The following DAB2IP variants were observed in gnomAD, a reference collection of about 807,000 sequenced individuals.
DAB2IP encodes disabled homolog 2-interacting protein.
DAB2IP carries 28 observed loss-of-function variants against 107.2 expected under a neutral mutation model. The ratio of observed to expected loss-of-function variants is 0.26; its 90% CI spans 0.19 to 0.36. The LOEUF is 0.36. DAB2IP is among the 10% of genes least tolerant of loss of function. The pLI is 1.00. For missense variants in DAB2IP, 1,400 were observed against 1,644.7 expected, an observed-to-expected ratio of 0.85 and a Z score of 2.57; for synonymous variants, 755 against 706.4, an observed-to-expected ratio of 1.07 and a Z score of -1.09.
chr9:121,577,926 T>C lies in DAB2IP; in HGVS notation c.40+10698T>C, dbSNP rs139418564. On this transcript the variant is annotated intron_variant, in intron 1 of 16. Coordinates refer to the DAB2IP transcript ENST00000259371. ...GTCACTCAGGGGTCCTTGGGGGCTGTCCCGGGTCAGGATCCTCCTGCCTCC... is the reference window on the plus strand; with the variant it reads ...GTCACTCAGGGGTCCTTGGGGGCTGCCCCGGGTCAGGATCCTCCTGCCTCC... Among the ~76,000 whole-genome samples, 80 of 152,128 alleles carry C rather than the reference T, an allele frequency of 5.3e-4. No homozygotes were observed. In the Middle Eastern group the frequency reaches 0.01, roughly 20 times the overall value.
At chr9:121,573,798 G>A (rs1170849921) in intron 1 of DAB2IP, among the ~76,000 whole-genome samples, 1 of 152,164 alleles carries the variant, frequency 6.6e-6, no homozygotes. Flanking sequence ...CACGCAGTGA[G>A]TGCACTGATT....
Position 121,659,257 on chromosome 9 carries a change from A to T in DAB2IP, c.124+7358A>T, listed in dbSNP as rs531625216. ...TGGACTTTGGGTTCGGAGACTGGAA[A>T]CCAATAAATTGGTAATCTGGAATAA... On this transcript the variant is annotated intron_variant, in intron 1 of 15. Coordinates refer to ENST00000408936, the Ensembl canonical transcript of DAB2IP. Among the ~76,000 whole-genome samples, 4 of 152,250 alleles carry T rather than the reference A, an allele frequency of 2.6e-5. No homozygotes were observed. The South Asian group carries it at 8.3e-4, about 32-fold the overall frequency.
At chr9:121,770,667 G>C in exon 11 of DAB2IP, 1 of 1,614,064 alleles carries the variant, frequency 6.2e-7, no homozygotes, top group Non-Finnish European at 8.5e-7. Flanking sequence ...CCGGGCTCTG[G>C]CAGCAGCAGC....
At chr9:121,731,226 G>A (rs1008458778) in intron 3 of DAB2IP, among the ~76,000 whole-genome samples, 3 of 152,182 alleles carry the variant, frequency 2.0e-5, no homozygotes, top group African/African-American at 7.2e-5. Context: ...TTGTTCACCT[G>A]TTTGGCTCCT....
At chr9:121,739,257 C>T (rs1473257285) in intron 3 of DAB2IP, among the ~76,000 whole-genome samples, 1 of 152,188 alleles carries the variant, frequency 6.6e-6, no homozygotes, top group Non-Finnish European at 1.5e-5. Context: ...GCCTAGGGAG[C>T]AGCAAGTACA....
At chr9:121,685,803 C>T (rs1828848885) in intron 2 of DAB2IP, among the ~76,000 whole-genome samples, 2 of 152,198 alleles carry the variant, frequency 1.3e-5, no homozygotes, top group Admixed American at 1.3e-4. Flanking sequence ...AAGTAATTTC[C>T]AGGCAGGTGA....
At chr9:121,598,685 G>C (rs896061880) in intron 1 of DAB2IP, 5 of 152,290 alleles carry the variant, frequency 3.3e-5, no homozygotes, top group African/African-American at 1.2e-4. Context: ...CCCGGGGCCT[G>C]TTTCTCCTCC....
At chr9:121,618,121 C>G (rs1831343775) in intron 1 of DAB2IP, among the ~76,000 whole-genome samples, 1 of 152,108 alleles carries the variant, frequency 6.6e-6, no homozygotes, top group African/African-American at 2.4e-5. Flanking sequence ...TATGGGCTCA[C>G]CTACCTAAAA....
intron 2 of DAB2IP, among the ~76,000 whole-genome samples, chr9:121,686,311 G>A (rs1470418595): frequency 6.6e-6 from 1 of 152,206 alleles, no homozygotes; most frequent in Non-Finnish European, 1.5e-5. Flanking sequence ...TGTGAGTGAG[G>A]AGGATGGAAG....
At chr9:121,667,950 A>C (rs918680072) in intron 1 of DAB2IP, among the ~76,000 whole-genome samples, 4 of 152,144 alleles carry the variant, frequency 2.6e-5, no homozygotes, top group Non-Finnish European at 4.4e-5. Flanking sequence ...GGTGAAAGGC[A>C]CTTCTTACAT....
intron 9 of DAB2IP, among the ~76,000 whole-genome samples, chr9:121,768,126 A>T (rs776876727): frequency 4.6e-5 from 7 of 152,182 alleles, no homozygotes; most frequent in Non-Finnish European, 8.8e-5. Flanking sequence ...GGGATTGAGC[A>T]TCATCTGCAT....
At chr9:121,642,029 C>CTT (rs879760304) in intron 1 of DAB2IP, among the ~76,000 whole-genome samples, 68 of 26,648 alleles carry the variant, frequency 2.6e-3, no homozygotes, top group Admixed American at 3.2e-3. Context: ...CTCTCTCTCT[C>CTT]TCTTTCTTTC....
chr9:121,615,101 T>C (rs1362306488), intron 1 of DAB2IP, among the ~76,000 whole-genome samples: 1 of 152,146 alleles, frequency 6.6e-6, no homozygotes, highest in Non-Finnish European at 1.5e-5. Flanking sequence ...CCCTCAACCT[T>C]AACTGCCTTA....
chr9:121,700,029 C>T (rs1438102986), intron 3 of DAB2IP, among the ~76,000 whole-genome samples: 1 of 152,196 alleles, frequency 6.6e-6, no homozygotes, highest in Non-Finnish European at 1.5e-5. Flanking sequence ...GCAGAGCGGG[C>T]AGTGCCCAGG....
intron 1 of DAB2IP, among the ~76,000 whole-genome samples, chr9:121,630,171 A>G (rs1009551281): frequency 6.6e-6 from 1 of 152,196 alleles, no homozygotes; most frequent in Non-Finnish European, 1.5e-5. Context: ...GTATCCTAAA[A>G]TAACATTTTT....
In DAB2IP at chr9:121,651,643, G is replaced by A. The variant is rs962507716; in HGVS notation, c.-133G>A. On this transcript the variant is annotated 5_prime_UTR_variant, in exon 1 of 16. Coordinates refer to ENST00000408936, the Ensembl canonical transcript of DAB2IP. This position sits in a 1 kb window ranked among gnomAD's most constrained non-coding sequence, Gnocchi z 5.1. Reference sequence around the variant, plus strand: ...GAGGAGGAGTTTGAGCGACTTTGTGGGGCAGCCAGGGCCTCGGCGGCCGCT... The same window carrying A: ...GAGGAGGAGTTTGAGCGACTTTGTGAGGCAGCCAGGGCCTCGGCGGCCGCT... 1.6e-5 allele frequency: 17 copies of A among 1,067,672 alleles called. No homozygotes were observed. The highest frequency in any genetic ancestry group is 1.8e-5 in the Non-Finnish European group (16 of 884,576). 66.1% of individuals were successfully genotyped at this position (1,067,672 alleles called of 1,614,324 possible).
intron 1 of DAB2IP, among the ~76,000 whole-genome samples, chr9:121,577,030 C>T (rs900249335): frequency 7.2e-5 from 11 of 152,200 alleles, no homozygotes; most frequent in African/African-American, 1.9e-4. Flanking sequence ...TCTGTTCTCC[C>T]CCTTGACCAT....
At chr9:121,594,462 C>T (rs1281826794) in intron 1 of DAB2IP, among the ~76,000 whole-genome samples, 1 of 152,102 alleles carries the variant, frequency 6.6e-6, no homozygotes. Flanking sequence ...GTCTCGAACT[C>T]CTGACCTCAG....
At position 121,670,872 on chromosome 9, in the gene DAB2IP, G is replaced by T. The variant is rs181819634; in HGVS notation, c.125-7806G>T. Among the ~76,000 whole-genome samples, 429 of 152,244 alleles carry T rather than the reference G, an allele frequency of 2.8e-3. 4 individuals are homozygous for T. The highest frequency in any genetic ancestry group is 4.5e-3 in the Non-Finnish European group (307 of 68,012). On this transcript the variant is annotated intron_variant, in intron 1 of 15. Transcript: ENST00000408936. ...TCTCTACTAAAAATACAAAAATTAG[G>T]CCGGGCGTGGTGGCTGAGGCCTGTA...
Sources: gnomAD v4.1 joint callset for allele counts (sites outside exome capture counted in the v4.1 genomes callset) on GRCh38, gnomAD v4.1.1 for gene constraint, Gnocchi (gnomAD v3.1) non-coding constraint, MANE v1.5 for transcripts, NCBI Gene and HGNC (gene_info 2026-07-23, HGNC 2026-07-21) for gene names.